The following IGSF21 variants were observed in gnomAD, a reference collection of about 807,000 sequenced individuals.
IGSF21 encodes the protein immunoglobulin superfamily member 21.
Under a neutral mutation model 46.8 loss-of-function variants are expected in IGSF21, and 28 were observed. That is an observed-to-expected ratio of 0.60 (90% CI 0.44 to 0.82). The LOEUF (loss-of-function observed/expected upper bound fraction) is 0.82, where lower values mean the gene tolerates loss of function less well. IGSF21 is among the 40% of genes least tolerant of loss of function. IGSF21 has a pLI of 0.00. For missense variants in IGSF21, 624 were observed against 665.5 expected (o/e 0.94, Z 0.69); for synonymous variants, 284 against 273.6 (o/e 1.04, Z -0.38).
In IGSF21 at chr1:18,365,252, C is replaced by G; in HGVS notation, c.570C>G (p.Ile190Met). Residue 190 changes from isoleucine (I) to methionine (M), a missense_variant, in exon 6 of 10, where the codon ATC (isoleucine) becomes ATG (methionine). Ile to Met is a conservative substitution (Grantham distance 10, BLOSUM62 1). Transcript: ENST00000251296. The surrounding 1 kb of genome is among the most constrained non-coding windows in gnomAD (Gnocchi z 4.8). Reference protein sequence around the residue: ...MVYFKRDGEPIDAVPLSEPPA... With the variant: ...MVYFKRDGEPMDAVPLSEPPA... The stretch of plus-strand genomic sequence containing the variant: ...ATTTCAAACGAGATGGGGAACCAAT[C>G]GACGCAGTGCCCCTATCAGAGCCAC... The G allele has an allele frequency of 5.0e-6, 8 of 1,607,248 alleles. No individual in the cohort carries two copies. Among genetic ancestry groups the G allele is most frequent in the Non-Finnish European group, 6.8e-6 (8 of 1,175,880 alleles).
intron 1 of IGSF21, among the ~76,000 whole-genome samples, chr1:18,172,659 C>A (rs1295774166): frequency 6.6e-6 from 1 of 152,236 alleles, no homozygotes; most frequent in African/African-American, 2.4e-5. Context: ...CTTAGGACCT[C>A]ATTTAACCTT....
chr1:18,196,967 C>T (rs560186379), intron 1 of IGSF21, among the ~76,000 whole-genome samples: 15 of 152,264 alleles, frequency 9.9e-5, no homozygotes, highest in African/African-American at 3.1e-4. Flanking sequence ...TCTCTTTTCC[C>T]GGCTTCCCGG....
At chr1:18,185,906 C>T (rs1250476851) in intron 1 of IGSF21, among the ~76,000 whole-genome samples, 1 of 152,162 alleles carries the variant, frequency 6.6e-6, no homozygotes, top group East Asian at 1.9e-4. Flanking sequence ...CCTCTCTGAG[C>T]CTCAGTTTCT....
rs941689262 is a variant in IGSF21 at position 18,290,871 on chromosome 1, G to A, written c.184-995G>A. On this transcript the variant is annotated intron_variant, in intron 2 of 9. Transcript: ENST00000251296. This position sits in a 1 kb window ranked among gnomAD's most constrained non-coding sequence, Gnocchi z 4.2. ...CCCGCTGCCTCCACCACACAGAGCC[G>A]CAGGGAGCTAATTCCACTTCTCTAG... Among the ~76,000 whole-genome samples the A allele has an allele frequency of 2.0e-5, 3 of 151,188 alleles. No individual in the cohort carries two copies. Among genetic ancestry groups the A allele is most frequent in the Admixed American group, 6.6e-5 (1 of 15,168 alleles).
chr1:18,142,819 G>C (rs2086429732), intron 1 of IGSF21, among the ~76,000 whole-genome samples: 1 of 152,202 alleles, frequency 6.6e-6, no homozygotes, highest in African/African-American at 2.4e-5. Flanking sequence ...GCACTAGCGA[G>C]TGGGACAAAT....
intron 2 of IGSF21, among the ~76,000 whole-genome samples, chr1:18,240,946 G>T (rs1459783599): frequency 6.6e-6 from 1 of 152,192 alleles, no homozygotes; most frequent in East Asian, 1.9e-4. Flanking sequence ...AGCCAACCTG[G>T]CTAGTTGGGG....
intron 1 of IGSF21, among the ~76,000 whole-genome samples, chr1:18,158,270 G>T (rs1382026041): frequency 1.3e-5 from 2 of 152,204 alleles, no homozygotes; most frequent in Non-Finnish European, 1.5e-5. Flanking sequence ...AGCAGAAGCT[G>T]CCAACAGGCC....
intron 1 of IGSF21, chr1:18,110,677 C>G (rs899290591): frequency 2.4e-4 from 36 of 152,460 alleles, no homozygotes; most frequent in African/African-American, 8.7e-4. Context: ...TGCCCTGGCT[C>G]CCCACTTCCC....
chr1:18,317,645 T>C lies in IGSF21; in HGVS notation c.306-17247T>C, dbSNP rs138232787. On this transcript the variant is annotated intron_variant, in intron 3 of 9. Coordinates refer to ENST00000251296, the MANE Select transcript of IGSF21 (RefSeq NM_032880.5). ...CCTGGGACCTCCTGGTCCTTTTCTT[T>C]TCCCCCACTCAGTCTATGGCCATGA... 3.2e-3 allele frequency among the ~76,000 whole-genome samples: 482 copies of C among 152,334 alleles called. 2 individuals carry two copies. Among genetic ancestry groups the C allele is most frequent in the African/African-American group, 0.011 (452 of 41,584 alleles).
At chr1:18,314,313 T>C (rs1272046768) in intron 3 of IGSF21, among the ~76,000 whole-genome samples, 3 of 150,462 alleles carry the variant, frequency 2.0e-5, no homozygotes, top group African/African-American at 7.3e-5. Flanking sequence ...AAAGAAAATA[T>C]CTAGTCTGTC....
intron 2 of IGSF21, among the ~76,000 whole-genome samples, chr1:18,285,046 T>G (rs2085199279): frequency 6.6e-6 from 1 of 152,216 alleles, no homozygotes; most frequent in African/African-American, 2.4e-5. Context: ...TCTCTGCCAC[T>G]ATTACACTTT....
intron 4 of IGSF21, among the ~76,000 whole-genome samples, chr1:18,350,004 G>A (rs761931912): frequency 6.6e-6 from 1 of 152,150 alleles, no homozygotes; most frequent in African/African-American, 2.4e-5. Context: ...TCCGAAGCAC[G>A]ATACAATCGT....
chr1:18,358,349 ATATT>A (rs761941558), intron 4 of IGSF21, among the ~76,000 whole-genome samples: 3 of 152,242 alleles, frequency 2.0e-5, no homozygotes, highest in Non-Finnish European at 4.4e-5. Flanking sequence ...TTCTAGTAAT[ATATT>A]TATTAAACCC....
At chr1:18,108,410 A>AC (rs34958868) in intron 1 of IGSF21, among the ~76,000 whole-genome samples, 1 of 150,548 alleles carries the variant, frequency 6.6e-6, no homozygotes, top group East Asian at 2.0e-4. Flanking sequence ...GTGTGTGTGT[A>AC]AATTGTGTGT....
At chr1:18,119,075 G>C (rs1303447094) in intron 1 of IGSF21, among the ~76,000 whole-genome samples, 1 of 151,988 alleles carries the variant, frequency 6.6e-6, no homozygotes, top group Non-Finnish European at 1.5e-5. Flanking sequence ...TGCAGCTCTA[G>C]ACTGTAAGCC....
chr1:18,165,008 G>T (rs990917572), intron 1 of IGSF21, among the ~76,000 whole-genome samples: 1 of 151,238 alleles, frequency 6.6e-6, no homozygotes, highest in Non-Finnish European at 1.5e-5. Flanking sequence ...CCTTGCAATA[G>T]TTTGCTGAGA....
chr1:18,253,465 G>A (rs1019683120), intron 2 of IGSF21, among the ~76,000 whole-genome samples: 2 of 152,190 alleles, frequency 1.3e-5, no homozygotes, highest in Non-Finnish European at 2.9e-5. Flanking sequence ...GGGCCCCTTC[G>A]TTGCTCCTTG....
At chr1:18,154,757 A>G (rs2086553430) in intron 1 of IGSF21, among the ~76,000 whole-genome samples, 1 of 150,328 alleles carries the variant, frequency 6.7e-6, no homozygotes, top group South Asian at 2.1e-4. Context: ...TGTGTAACCA[A>G]ATTCGTCCTC....
chr1:18,287,194 A>AAATAAATCAAT (rs60840997), intron 2 of IGSF21, among the ~76,000 whole-genome samples: 1 of 124,836 alleles, frequency 8.0e-6, no homozygotes, highest in Non-Finnish European at 1.6e-5. Context: ...AAAAAAAAAT[A>AAATAAATCAAT]AAATAAATAA....
Sources: gnomAD v4.1 joint callset for allele counts (sites outside exome capture counted in the v4.1 genomes callset) on GRCh38, gnomAD v4.1.1 for gene constraint, Gnocchi (gnomAD v3.1) non-coding constraint, MANE v1.5 for transcripts, NCBI Gene and HGNC (gene_info 2026-07-23, HGNC 2026-07-21) for gene names.